AQP11: variants seen among roughly 807,000 people sequenced by gnomAD.
AQP11 encodes the protein aquaporin-11.
Under a neutral mutation model 21.1 loss-of-function variants are expected in AQP11, and 20 were observed. The observed-to-expected ratio is 0.95, with a 90% CI of 0.67 to 1.38. The LOEUF (loss-of-function observed/expected upper bound fraction) is 1.38. AQP11 is among the 40% of genes most tolerant of loss of function. The probability of loss-of-function intolerance (pLI) is 0.00; values close to 1 mark genes in which losing one functional copy is unlikely to be tolerated. For missense variants in AQP11, 339 were observed against 340.4 expected (o/e 1.00, Z 0.03); for synonymous variants, 167 against 150.1 (o/e 1.11, Z -0.82).
rs941409013 is a variant in AQP11, at chr11:77,609,780, C to T, written c.*403C>T. 7 of 153,768 alleles carry T rather than the reference C, an allele frequency of 4.6e-5. No homozygotes were observed. In the South Asian group the frequency reaches 1.0e-3, roughly 23 times the overall value. 9.5% of individuals were successfully genotyped at this position (153,768 alleles called of 1,614,324 possible). A position where few individuals can be genotyped will look rare whatever the true frequency, so the allele number is the denominator to read the frequency against. The stretch of plus-strand genomic sequence containing the variant: ...AATTTTTAACTATAAAAGTACAAGG[C>T]GTCAACTTACAGAACTGGGGAGAGG... On this transcript the variant is annotated 3_prime_UTR_variant, in exon 3 of 3. Transcript: ENST00000313578.
chr11:77,590,204 AC>A lies in AQP11; in HGVS notation c.216del (p.Ala73ArgfsTer7). The A allele has an allele frequency of 6.3e-7, 1 of 1,592,888 alleles. No individual in the cohort carries two copies. Among genetic ancestry groups the A allele is most frequent in the Non-Finnish European group, 8.5e-7 (1 of 1,170,304 alleles). On this transcript the variant is annotated frameshift_variant, in exon 1 of 3. Coordinates refer to ENST00000313578, the MANE Select transcript of AQP11 (RefSeq NM_173039.3). LOFTEE classifies it high-confidence loss of function. ...GAGCTGCAACTGCTGAGCGAACAGCACCCCGCGCACCCCACCTGGACGCTGA... is the reference window on the plus strand; with the variant it reads ...GAGCTGCAACTGCTGAGCGAACAGCACCCGCGCACCCCACCTGGACGCTGA... The part of the protein sequence containing the change: ...THELQLLSEQ[H>X]PAHPTWTLTL...
At chr11:77,596,215 A>G (rs1030619019) in intron 1 of AQP11, among the ~76,000 whole-genome samples, 7 of 151,832 alleles carry the variant, frequency 4.6e-5, no homozygotes, top group Admixed American at 3.9e-4. Context: ...CCTATTCATT[A>G]TCGTCACTAC....
intron 2 of AQP11, among the ~76,000 whole-genome samples, chr11:77,607,959 ATTT>A (rs760550947): frequency 6.9e-6 from 1 of 144,086 alleles, no homozygotes; most frequent in Non-Finnish European, 1.5e-5. Context: ...GTTGTTTCTG[ATTT>A]TTTTTTTTTT....
intron 2 of AQP11, among the ~76,000 whole-genome samples, chr11:77,604,701 C>T (rs1958834070): frequency 6.6e-6 from 1 of 152,160 alleles, no homozygotes; most frequent in Non-Finnish European, 1.5e-5. Flanking sequence ...GTTTACCTTC[C>T]ATTCCTCTAT....
Position 77,590,496 on chromosome 11 carries a change from C to G in AQP11, c.504C>G (p.Ile168Met), listed in dbSNP as rs538116750. Reference protein sequence around the residue: ...PIRVDLLKAVITEAVCSFLFH... With the variant: ...PIRVDLLKAVMTEAVCSFLFH... ...GAGTCGACTTGCTCAAAGCGGTCAT[C>G]ACAGAGGCCGTCTGCTCCTTTCTCT... The change falls in exon 1 of 3, where the codon ATC (isoleucine) becomes ATG (methionine). Residue 168 changes from isoleucine (I) to methionine (M), a missense_variant. Coordinates refer to ENST00000313578, the MANE Select transcript of AQP11 (RefSeq NM_173039.3). The G allele has an allele frequency of 1.3e-4, 205 of 1,614,070 alleles. 1 individual carries two copies. In the South Asian group the frequency reaches 2.1e-3, roughly 17 times the overall value.
chr11:77,594,929 G>A (rs1958769653), intron 1 of AQP11, among the ~76,000 whole-genome samples: 1 of 151,916 alleles, frequency 6.6e-6, no homozygotes, highest in East Asian at 1.9e-4. Context: ...ACATATTAGA[G>A]CTATAAACTG....
chr11:77,603,482 TA>T (rs1958826918), intron 1 of AQP11, 73 bp from the exon 2 acceptor site: 2 of 1,029,702 alleles, frequency 1.9e-6, no homozygotes, highest in Non-Finnish European at 2.8e-6. Flanking sequence ...TCACATTTAG[TA>T]ACCATTTATT....
intron 1 of AQP11, among the ~76,000 whole-genome samples, chr11:77,591,741 G>A (rs530914704): frequency 6.6e-6 from 1 of 152,254 alleles, no homozygotes; most frequent in Non-Finnish European, 1.5e-5. Flanking sequence ...AGGCATGGTG[G>A]TGGGCGCCTG....
Position 77,590,154 on chromosome 11 carries a change from C to T in AQP11, c.162C>T (p.Thr54=), listed in dbSNP as rs1163116907. Residue 54 remains threonine, a synonymous_variant, in exon 1 of 3, where the codon ACC becomes ACT. Transcript: ENST00000313578. ...AHAFVLEFLA[T]FQLCCCTHEL... is the part of the protein sequence containing the mutation. ...CCTTCGTCCTGGAGTTTCTAGCCAC[C>T]TTCCAGCTCTGCTGCTGCACCCACG... 3 of 1,607,990 alleles carry T rather than the reference C, an allele frequency of 1.9e-6. No individual in the cohort carries two copies. Among genetic ancestry groups the T allele is most frequent in the South Asian group, 1.1e-5 (1 of 90,652 alleles).
intron 1 of AQP11, chr11:77,591,039 G>A: frequency 2.0e-6 from 2 of 985,388 alleles, no homozygotes; most frequent in South Asian, 9.4e-5. Context: ...CACATGATTG[G>A]TTAGTATAAG....
In AQP11 at chr11:77,590,606, A is replaced by G. The variant is rs1164489744; in HGVS notation, c.614A>G (p.Tyr205Cys). The change falls in exon 1 of 3, where the codon TAT becomes TGT. Residue 205 changes from tyrosine (Y) to cysteine (C), a missense_variant. By Grantham distance (194) the Tyr-to-Cys change is radical. Coordinates refer to ENST00000313578, the MANE Select transcript of AQP11 (RefSeq NM_173039.3). The stretch of plus-strand genomic sequence containing the variant: ...GCTGCACTCATCACCTTTTTGGTCT[A>G]TGCAGGTTTGTCATTCTCACCAAAT... ...LLAALITFLV[Y>C]AGGSLTGAVF... is the part of the protein sequence containing the mutation. 6.2e-7 allele frequency: 1 copy of G among 1,611,392 alleles called. No individual in the cohort carries two copies.
chr11:77,603,638 GT>G lies in AQP11; in HGVS notation c.708del (p.Phe236LeufsTer2). On this transcript the variant is annotated frameshift_variant, in exon 2 of 3. Coordinates refer to ENST00000313578, the MANE Select transcript of AQP11 (RefSeq NM_173039.3). LOFTEE classifies it high-confidence loss of function. ...FMCFDEAFPQ[F>X]FIVYWLAPSL... ...TGTGTTTTGATGAAGCATTCCCTCA[GT>G]TTTTTATAGTATACTGGCTGGCTCC... 2 of 1,607,916 alleles carry G rather than the reference GT, an allele frequency of 1.2e-6. No individual in the cohort carries two copies. The highest frequency in any genetic ancestry group is 2.2e-5 in the East Asian group (1 of 44,566).
rs752747579 is a variant in AQP11 at position 77,603,602 on chromosome 11, G to A, written c.666G>A (p.Ser222=). ...GAVFNPALAL[S]LHFMCFDEAF... ...TATTTAATCCAGCTTTGGCACTTTCGCTACATTTCATGTGTTTTGATGAAG... is the reference window on the plus strand; with the variant it reads ...TATTTAATCCAGCTTTGGCACTTTCACTACATTTCATGTGTTTTGATGAAG... Residue 222 remains serine, a synonymous_variant, in exon 2 of 3, where the codon TCG becomes TCA. Coordinates refer to ENST00000313578, the MANE Select transcript of AQP11 (RefSeq NM_173039.3). 4.4e-6 allele frequency: 7 copies of A among 1,608,624 alleles called. No individual in the cohort carries two copies. Among genetic ancestry groups the A allele is most frequent in the East Asian group, 2.2e-5 (1 of 44,602 alleles).
At chr11:77,599,914 A>G (rs1013339000) in intron 1 of AQP11, among the ~76,000 whole-genome samples, 1 of 151,908 alleles carries the variant, frequency 6.6e-6, no homozygotes, top group Non-Finnish European at 1.5e-5. Flanking sequence ...CATTTACTAT[A>G]CATATAGATA....
Position 77,595,035 on chromosome 11 carries a change from ATAAT to A in AQP11, c.619+4427_619+4430del, listed in dbSNP as rs750711458. Reference sequence around the variant, plus strand: ...AGAGAGCTGCATTCATTTTTTATGCATAATTAGATATTGAAAAACACCTGGGCCG... The same window carrying A: ...AGAGAGCTGCATTCATTTTTTATGCATAGATATTGAAAAACACCTGGGCCG... On this transcript the variant is annotated intron_variant, in intron 1 of 2. Coordinates refer to ENST00000313578, the MANE Select transcript of AQP11 (RefSeq NM_173039.3). Among the ~76,000 whole-genome samples the A allele has an allele frequency of 1.3e-4, 20 of 152,196 alleles. 1 individual carries two copies. The highest frequency in any genetic ancestry group is 2.6e-4 in the Non-Finnish European group (18 of 68,032).
At chr11:77,600,794 C>T (rs570616909) in intron 1 of AQP11, among the ~76,000 whole-genome samples, 6 of 152,158 alleles carry the variant, frequency 3.9e-5, no homozygotes, top group African/African-American at 1.2e-4. Context: ...GGGCGGATCA[C>T]GAGGTCAGGA....
At chr11:77,603,410 C>A in intron 1 of AQP11, 146 bp from the exon 2 acceptor site, 1 of 587,594 alleles carries the variant, frequency 1.7e-6, no homozygotes, top group Non-Finnish European at 3.0e-6. Flanking sequence ...TGATTATAGT[C>A]TAAAATATGC....
rs769167964 is a variant in AQP11 at position 77,590,520 on chromosome 11, C to T, written c.528C>T (p.Leu176=). ...AVITEAVCSF[L]FHSALLHFQE... ...TCACAGAGGCCGTCTGCTCCTTTCT[C>T]TTCCACAGCGCTCTGCTGCACTTCC... The change falls in exon 1 of 3, where the codon CTC becomes CTT. Residue 176 remains leucine, a synonymous_variant. Coordinates refer to ENST00000313578, the MANE Select transcript of AQP11 (RefSeq NM_173039.3). 23 of 1,614,234 alleles carry T rather than the reference C, an allele frequency of 1.4e-5. 1 individual carries two copies. In the South Asian group the frequency reaches 2.2e-4, roughly 15 times the overall value.
At chr11:77,603,057 A>T (rs1407841798) in intron 1 of AQP11, among the ~76,000 whole-genome samples, 1 of 152,232 alleles carries the variant, frequency 6.6e-6, no homozygotes, top group Non-Finnish European at 1.5e-5. Context: ...GACTACTCAC[A>T]GTCCCTTCTT....
Sources: allele counts gnomAD v4.1 joint callset (sites outside exome capture counted in the v4.1 genomes callset), GRCh38; gene constraint gnomAD v4.1.1; transcripts MANE v1.5; gene names NCBI Gene and HGNC (gene_info 2026-07-23, HGNC 2026-07-21).